Variants in RBMS2 observed in about 807,000 individuals in gnomAD.
RBMS2 encodes the protein RNA-binding motif, single-stranded-interacting protein 2.
A neutral mutation model predicts 58.4 loss-of-function variants in RBMS2; 38 were observed. The observed-to-expected ratio is 0.65, with a 90% CI of 0.50 to 0.85. The LOEUF (loss-of-function observed/expected upper bound fraction) is 0.85, where lower values mean the gene tolerates loss of function less well. Among genes scored for constraint, RBMS2 ranks in the 40% least tolerant of loss-of-function variants. The probability of loss-of-function intolerance (pLI) is 0.00; values close to 1 mark genes in which losing one functional copy is unlikely to be tolerated. For synonymous variants in RBMS2, 151 were observed against 180.7 expected (o/e 0.84, Z 1.32); for missense variants, 367 against 503.7 (o/e 0.73, Z 2.60).
At chr12:56,531,017 A>G (rs1873637291) in intron 1 of RBMS2, among the ~76,000 whole-genome samples, 1 of 152,096 alleles carries the variant, frequency 6.6e-6, no homozygotes, top group Non-Finnish European at 1.5e-5. Context: ...TACCTCTTAT[A>G]TAAAGCTTCT....
chr12:56,566,566 A>C (rs750789123), intron 2 of RBMS2, among the ~76,000 whole-genome samples: 1 of 152,182 alleles, frequency 6.6e-6, no homozygotes, highest in Non-Finnish European at 1.5e-5. Flanking sequence ...ACCTGTAATC[A>C]CAGCACTTTG....
At chr12:56,584,714 G>A (rs191571272) in intron 9 of RBMS2, among the ~76,000 whole-genome samples, 41 of 152,050 alleles carry the variant, frequency 2.7e-4, no homozygotes, top group Admixed American at 1.3e-3. Context: ...GAACCTGAGA[G>A]GTGAAGCTTG....
chr12:56,572,288 CA>C (rs34385329), intron 5 of RBMS2, among the ~76,000 whole-genome samples: 16,799 of 73,208 alleles, frequency 0.23, 559 homozygotes, highest in South Asian at 0.29. Flanking sequence ...GACTCTGTCT[CA>C]AAAAAAAAAA....
At chr12:56,577,431 A>T (rs1420698574) in intron 5 of RBMS2, among the ~76,000 whole-genome samples, 1 of 149,492 alleles carries the variant, frequency 6.7e-6, no homozygotes, top group African/African-American at 2.5e-5. Flanking sequence ...AATAATAAAT[A>T]AAATAAAATA....
intron 9 of RBMS2, among the ~76,000 whole-genome samples, chr12:56,582,695 G>T (rs771928785): frequency 6.6e-6 from 1 of 152,150 alleles, no homozygotes; most frequent in Non-Finnish European, 1.5e-5. Context: ...TTAAGAGGGC[G>T]TCTCCCTCTG....
intron 1 of RBMS2, among the ~76,000 whole-genome samples, chr12:56,534,210 A>G (rs1223550960): frequency 2.0e-5 from 3 of 152,132 alleles, no homozygotes; most frequent in East Asian, 1.9e-4. Flanking sequence ...ATGCTTTACA[A>G]TATTTCATTT....
chr12:56,551,119 CAA>C (rs567646796), intron 1 of RBMS2, among the ~76,000 whole-genome samples: 12 of 91,900 alleles, frequency 1.3e-4, no homozygotes, highest in Admixed American at 1.2e-4. Context: ...GACCCTGTTT[CAA>C]AAAAAAAAAA....
intron 5 of RBMS2, among the ~76,000 whole-genome samples, chr12:56,575,454 A>G (rs1474405074): frequency 1.3e-5 from 2 of 151,804 alleles, no homozygotes; most frequent in African/African-American, 2.4e-5. Context: ...AAATCAATAC[A>G]GGAATATGGG....
intron 1 of RBMS2, among the ~76,000 whole-genome samples, chr12:56,542,523 G>A (rs1289408435): frequency 9.7e-6 from 1 of 103,104 alleles, no homozygotes; most frequent in Non-Finnish European, 1.9e-5. Flanking sequence ...GACTGTCCCT[G>A]TGTTTCCTTT....
At chr12:56,559,577 C>T (rs1199391754) in intron 1 of RBMS2, among the ~76,000 whole-genome samples, 58 of 150,126 alleles carry the variant, frequency 3.9e-4, no homozygotes, top group African/African-American at 1.1e-3. Flanking sequence ...CACGGCCGGG[C>T]GCGGTGGCTC....
chr12:56,522,145 A>G (rs1871822700), intron 1 of RBMS2, 56 bp downstream of exon 1: 7 of 1,396,234 alleles, frequency 5.0e-6, no homozygotes, highest in Non-Finnish European at 6.0e-6. Flanking sequence ...GGATCTTGCA[A>G]TGCCCTTGGT....
intron 1 of RBMS2, among the ~76,000 whole-genome samples, chr12:56,530,047 T>G (rs949171663): frequency 1.3e-5 from 2 of 152,188 alleles, no homozygotes; most frequent in South Asian, 4.1e-4. Flanking sequence ...GTAGCTGGGA[T>G]TACAGCGCCA....
At position 56,593,612 on chromosome 12, in the gene RBMS2, T is replaced by A. The variant is rs1448324390; in HGVS notation, c.*4479T>A. 3 of 152,362 alleles carry A rather than the reference T, an allele frequency of 2.0e-5. No homozygotes were observed. Among genetic ancestry groups the A allele is most frequent in the Non-Finnish European group, 1.5e-5 (1 of 68,214 alleles). The allele number at this position is 152,362 out of a possible 1,614,324, so 9.4% of individuals were successfully genotyped here. ...CCCAGGCTGGAGTGCAGTGGCGTGA[T>A]CTTGGCTCACTGAAACCTCCATCTC... On this transcript the variant is annotated 3_prime_UTR_variant, in exon 14 of 14. Transcript: ENST00000262031.
intron 1 of RBMS2, among the ~76,000 whole-genome samples, chr12:56,550,022 G>A (rs982818076): frequency 4.6e-5 from 7 of 151,458 alleles, no homozygotes; most frequent in African/African-American, 7.3e-5. Flanking sequence ...GCGAAACTCC[G>A]TCTCGCAAAA....
rs1050272639 is a variant in RBMS2, at chr12:56,591,796, T to C, written c.*2663T>C. 1.3e-5 allele frequency: 2 copies of C among 152,172 alleles called. No individual in the cohort carries two copies. Among genetic ancestry groups the C allele is most frequent in the African/African-American group, 2.4e-5 (1 of 41,448 alleles). 9.4% of individuals were successfully genotyped at this position (152,172 alleles called of 1,614,324 possible). A position where few individuals can be genotyped will look rare whatever the true frequency, so the allele number is the denominator to read the frequency against. On this transcript the variant is annotated 3_prime_UTR_variant, in exon 14 of 14. Coordinates refer to ENST00000262031, the MANE Select transcript of RBMS2 (RefSeq NM_002898.4). ...TCTCTATATATATATTTTAAAATGT[T>C]TAAATGGCTCTAATTTTTTGTTTTG...
intron 1 of RBMS2, among the ~76,000 whole-genome samples, chr12:56,553,367 C>T (rs1418225591): frequency 2.0e-5 from 3 of 151,992 alleles, no homozygotes; most frequent in African/African-American, 4.8e-5. Context: ...ATTATTCTGT[C>T]GCCCAGGCTG....
chr12:56,525,316 G>T (rs997442252), intron 1 of RBMS2, among the ~76,000 whole-genome samples: 3 of 151,862 alleles, frequency 2.0e-5, no homozygotes, highest in Non-Finnish European at 2.9e-5. Context: ...CAGTCTCCTG[G>T]GTTCAAGCGA....
In RBMS2 at chr12:56,522,202, T is replaced by C. The variant is rs1871834880; in HGVS notation, c.66+113T>C. 8.8e-6 allele frequency: 7 copies of C among 791,038 alleles called. No homozygotes were observed. The Admixed American group carries it at 1.8e-4, about 21-fold the overall frequency. 49.0% of individuals were successfully genotyped at this position (791,038 alleles called of 1,614,324 possible). ...GGGAAGGGGCTTCCTCTCTCAAGATTCCTAATTCCTCACCGCGCTTCTCCC... is the reference window on the plus strand; with the variant it reads ...GGGAAGGGGCTTCCTCTCTCAAGATCCCTAATTCCTCACCGCGCTTCTCCC... On this transcript the variant is annotated intron_variant, in intron 1 of 13. Coordinates refer to ENST00000262031, the MANE Select transcript of RBMS2 (RefSeq NM_002898.4).
intron 9 of RBMS2, among the ~76,000 whole-genome samples, chr12:56,584,140 T>C (rs1884344005): frequency 6.6e-6 from 1 of 152,064 alleles, no homozygotes; most frequent in Non-Finnish European, 1.5e-5. Flanking sequence ...CATATAAAAG[T>C]TTAAAATTTG....
Sources: allele counts gnomAD v4.1 joint callset (sites outside exome capture counted in the v4.1 genomes callset), GRCh38; gene constraint gnomAD v4.1.1; transcripts MANE v1.5; gene names NCBI Gene and HGNC (gene_info 2026-07-23, HGNC 2026-07-21).